Variants in AKAP13 observed in about 807,000 individuals in gnomAD.
The protein encoded by AKAP13 is A-kinase anchor protein 13.
In AKAP13, 80 loss-of-function variants were observed where a neutral mutation model predicts 264.5. That is an observed-to-expected ratio of 0.30 (90% CI 0.25 to 0.36). The LOEUF (loss-of-function observed/expected upper bound fraction) is 0.36. AKAP13 is among the 10% of genes least tolerant of loss of function. The pLI is 1.00. For missense variants in AKAP13, 3,712 were observed against 3,435.2 expected (o/e 1.08, Z -2.01); for synonymous variants, 1,380 against 1,250.2 (o/e 1.10, Z -2.19).
chr15:85,613,985 A>C (rs1465213554), intron 8 of AKAP13, among the ~76,000 whole-genome samples: 1 of 152,166 alleles, frequency 6.6e-6, no homozygotes, highest in Non-Finnish European at 1.5e-5. Context: ...TATAGTTTAA[A>C]GGAGACCTGA....
intron 5 of AKAP13, among the ~76,000 whole-genome samples, chr15:85,547,808 C>T (rs2077808980): frequency 6.6e-6 from 1 of 152,132 alleles, no homozygotes; most frequent in South Asian, 2.1e-4. Flanking sequence ...ATTTCCCTTT[C>T]TTTAATTTTC....
At chr15:85,546,715 A>G (rs1157932286) in intron 5 of AKAP13, among the ~76,000 whole-genome samples, 4 of 151,948 alleles carry the variant, frequency 2.6e-5, no homozygotes, top group African/African-American at 7.2e-5. Context: ...AAGAATCGCC[A>G]CAATGTATGA....
intron 5 of AKAP13, among the ~76,000 whole-genome samples, chr15:85,569,474 CAG>C (rs1460257607): frequency 8.4e-6 from 1 of 119,760 alleles, no homozygotes; most frequent in African/African-American, 3.0e-5. Context: ...TTTTTTGAGA[CAG>C]AGTTTCACTC....
chr15:85,736,417 GTTTT>G lies in AKAP13; in HGVS notation c.7557+287_7557+290del, dbSNP rs1177608907. ...TCTGTCCTTAAGGAAGCCTCTTGCT[GTTTT>G]TTTGTTTGTTTGTTTGTTTGTTTGT... On this transcript the variant is annotated intron_variant, in intron 33 of 36. Coordinates refer to ENST00000394518, the MANE Select transcript of AKAP13 (RefSeq NM_007200.5). 6.9e-5 allele frequency among the ~76,000 whole-genome samples: 9 copies of G among 130,170 alleles called. No individual in the cohort carries two copies. In the East Asian group the frequency reaches 8.8e-4, roughly 13 times the overall value. The allele number at this position is 130,170 out of a possible 152,430, so 85.4% of individuals were successfully genotyped here.
At chr15:85,586,916 C>G (rs746166478) in intron 8 of AKAP13, among the ~76,000 whole-genome samples, 6 of 129,062 alleles carry the variant, frequency 4.6e-5, no homozygotes, top group Non-Finnish European at 6.6e-5. Context: ...CGACAGAGCA[C>G]GACACCTTCT....
In AKAP13 at chr15:85,747,027, G is replaced by T. The variant is rs2151797850; in HGVS notation, c.*2350G>T. The T allele has an allele frequency of 6.6e-6, 1 of 152,308 alleles. No homozygotes were observed. Among genetic ancestry groups the T allele is most frequent in the Non-Finnish European group, 1.5e-5 (1 of 68,028 alleles). The allele number at this position is 152,308 out of a possible 1,614,324, so 9.4% of individuals were successfully genotyped here. A position where few individuals can be genotyped will look rare whatever the true frequency, so the allele number is the denominator to read the frequency against. On this transcript the variant is annotated 3_prime_UTR_variant, in exon 37 of 37. Coordinates refer to ENST00000394518, the MANE Select transcript of AKAP13 (RefSeq NM_007200.5). ...CTGTGATGTTTCATCTGCTTTGGTT[G>T]TTTTGGTGGTCTTTTTTAAAAATAG...
intron 1 of AKAP13, among the ~76,000 whole-genome samples, chr15:85,441,914 T>G (rs1030382273): frequency 1.3e-5 from 2 of 152,162 alleles, no homozygotes; most frequent in African/African-American, 4.8e-5. Flanking sequence ...AGCTTTTCTA[T>G]CATAGTTCAC....
intron 8 of AKAP13, among the ~76,000 whole-genome samples, chr15:85,610,733 C>G (rs971635688): frequency 2.0e-5 from 3 of 151,608 alleles, no homozygotes; most frequent in Admixed American, 2.0e-4. Context: ...CCCAGCACTT[C>G]GGGAGGCCGA....
At chr15:85,696,443 A>G (rs1045589426) in intron 17 of AKAP13, among the ~76,000 whole-genome samples, 3 of 152,228 alleles carry the variant, frequency 2.0e-5, no homozygotes, top group South Asian at 2.1e-4. Flanking sequence ...CCACTTATCA[A>G]TTAGACATTA....
chr15:85,616,819 T>C (rs1449532563), intron 8 of AKAP13, among the ~76,000 whole-genome samples: 1 of 152,242 alleles, frequency 6.6e-6, no homozygotes, highest in African/African-American at 2.4e-5. Flanking sequence ...CTGTCTTCTG[T>C]TGGGGAGTGC....
chr15:85,714,490 G>A (rs745770345), intron 19 of AKAP13, among the ~76,000 whole-genome samples: 1 of 152,182 alleles, frequency 6.6e-6, no homozygotes, highest in African/African-American at 2.4e-5. Context: ...ATCTATGCTC[G>A]CTAGCAGGGA....
At chr15:85,563,354 T>TTTTC (rs2078482399) in intron 5 of AKAP13, among the ~76,000 whole-genome samples, 1 of 107,298 alleles carries the variant, frequency 9.3e-6, no homozygotes, top group African/African-American at 4.9e-5. Context: ...TTTTTTTTTT[T>TTTTC]AAAGACGGAG....
intron 5 of AKAP13, among the ~76,000 whole-genome samples, chr15:85,564,344 G>A (rs1040986938): frequency 1.3e-5 from 2 of 152,150 alleles, no homozygotes; most frequent in Non-Finnish European, 2.9e-5. Context: ...CTTTATCTGT[G>A]TGTGTATACA....
chr15:85,452,567 G>A (rs2074130460), intron 1 of AKAP13, among the ~76,000 whole-genome samples: 1 of 152,160 alleles, frequency 6.6e-6, no homozygotes, highest in Non-Finnish European at 1.5e-5. Flanking sequence ...TTTTCACTGA[G>A]TTGAGGTTTT....
chr15:85,692,017 T>C (rs1302563424), intron 16 of AKAP13, among the ~76,000 whole-genome samples: 4 of 152,142 alleles, frequency 2.6e-5, no homozygotes, highest in South Asian at 2.1e-4. Flanking sequence ...TTAAAGGAAG[T>C]GACCCTGTTG....
At chr15:85,662,548 T>C in intron 12 of AKAP13, 1 of 1,363,516 alleles carries the variant, frequency 7.3e-7, no homozygotes, top group Non-Finnish European at 1.0e-6. Flanking sequence ...GTGGCTGGGA[T>C]GCATATGGGC....
intron 4 of AKAP13, chr15:85,534,601 AT>A (rs750139830): frequency 0.11 from 16,434 of 143,118 alleles, 1,158 homozygotes; most frequent in Non-Finnish European, 0.17. Flanking sequence ...TGCCTAGCAA[AT>A]TTTTTTTTTT....
chr15:85,550,546 GTGCTAT>G (rs1423635489), intron 5 of AKAP13, among the ~76,000 whole-genome samples: 1 of 152,230 alleles, frequency 6.6e-6, no homozygotes, highest in Non-Finnish European at 1.5e-5. Flanking sequence ...ATGGAACCAA[GTGCTAT>G]TGAGCAAGAT....
intron 10 of AKAP13, 100 bp downstream of exon 10, chr15:85,646,054 C>T (rs2082545875): frequency 1.4e-6 from 2 of 1,438,876 alleles, no homozygotes; most frequent in South Asian, 1.3e-5. Context: ...CTTGTGCTCT[C>T]CTGTTTCCCT....
Sources: allele counts gnomAD v4.1 joint callset (sites outside exome capture counted in the v4.1 genomes callset), GRCh38; gene constraint gnomAD v4.1.1; transcripts MANE v1.5; gene names NCBI Gene and HGNC (gene_info 2026-07-23, HGNC 2026-07-21).